Variants in C2CD5 observed in about 807,000 individuals in gnomAD.
C2CD5 encodes C2 domain-containing protein 5.
Under a neutral mutation model 130.3 loss-of-function variants are expected in C2CD5, and 109 were observed. The observed-to-expected ratio is 0.84, with a 90% confidence interval of 0.72 to 0.98. The LOEUF (loss-of-function observed/expected upper bound fraction) is 0.98, where lower values mean the gene tolerates loss of function less well. Among genes scored for constraint, C2CD5 ranks in the 50% least tolerant of loss-of-function variants. The probability of loss-of-function intolerance (pLI) is 0.00; values close to 1 mark genes in which losing one functional copy is unlikely to be tolerated. For missense variants in C2CD5, 996 were observed against 1,261.8 expected, an observed-to-expected ratio of 0.79 and a Z score of 3.19; for synonymous variants, 454 against 429.2, an observed-to-expected ratio of 1.06 and a Z score of -0.71.
intron 16 of C2CD5, 100 bp downstream of exon 16, chr12:22,474,651 C>T (rs1943567074): frequency 1.3e-6 from 1 of 741,584 alleles, no homozygotes; most frequent in Non-Finnish European, 2.0e-6. Context: ...ATATTTATAA[C>T]AGTTGTAATG....
At chr12:22,506,063 CA>C (rs948941465) in intron 10 of C2CD5, among the ~76,000 whole-genome samples, 1 of 150,730 alleles carries the variant, frequency 6.6e-6, no homozygotes, top group African/African-American at 2.4e-5. Context: ...TCAAGTTACA[CA>C]ATGAGCTCTA....
At chr12:22,504,163 C>T (rs971371382) in intron 10 of C2CD5, among the ~76,000 whole-genome samples, 13 of 150,746 alleles carry the variant, frequency 8.6e-5, no homozygotes, top group African/African-American at 2.4e-4. Flanking sequence ...AAATGCAGTT[C>T]GTTTTTTTTT....
chr12:22,510,850 G>A (rs1949102649), intron 9 of C2CD5, among the ~76,000 whole-genome samples: 1 of 152,110 alleles, frequency 6.6e-6, no homozygotes, highest in South Asian at 2.1e-4. Flanking sequence ...AACAAATCTG[G>A]CTGAGCACAG....
chr12:22,538,121 C>T (rs1433151903), intron 2 of C2CD5, among the ~76,000 whole-genome samples: 1 of 152,156 alleles, frequency 6.6e-6, no homozygotes, highest in African/African-American at 2.4e-5. Context: ...TAAGATAAAA[C>T]ATATAAACAA....
chr12:22,481,594 A>G (rs1217209499), intron 14 of C2CD5, among the ~76,000 whole-genome samples: 2 of 151,846 alleles, frequency 1.3e-5, no homozygotes, highest in Non-Finnish European at 2.9e-5. Context: ...ATGAACATTA[A>G]GCTGAGACAC....
At chr12:22,475,362 AT>A (rs1332738209) in intron 15 of C2CD5, among the ~76,000 whole-genome samples, 10 of 152,242 alleles carry the variant, frequency 6.6e-5, no homozygotes, top group African/African-American at 2.4e-4. Context: ...ATGTATGAGT[AT>A]GAATACATAT....
intron 4 of C2CD5, among the ~76,000 whole-genome samples, chr12:22,527,111 C>A (rs149182063): frequency 2.0e-5 from 3 of 151,996 alleles, no homozygotes; most frequent in African/African-American, 7.2e-5. Context: ...CTTTTAAGTA[C>A]AAAAATCATT....
At chr12:22,508,245 C>T (rs35533446) in intron 9 of C2CD5, among the ~76,000 whole-genome samples, 11,166 of 151,898 alleles carry the variant, frequency 0.074, 584 homozygotes, top group Non-Finnish European at 0.11. Context: ...TAGAAGTAAT[C>T]TTTAAACAAG....
intron 9 of C2CD5, 70 bp from the exon 10 acceptor site, chr12:22,506,889 G>A: frequency 1.1e-6 from 1 of 872,418 alleles, no homozygotes; most frequent in Admixed American, 1.8e-5. Flanking sequence ...TTATTAAAAA[G>A]CTTGCCATAG....
At chr12:22,524,687 A>C (rs1950577994) in intron 5 of C2CD5, 60 bp from the exon 6 acceptor site, 1 of 1,300,334 alleles carries the variant, frequency 7.7e-7, no homozygotes, top group African/African-American at 1.5e-5. Flanking sequence ...TTTTTAAAAA[A>C]TGTACATCTC....
rs143454247 is a variant in C2CD5, at chr12:22,481,367, T to C, written c.1737+1190A>G. Among the ~76,000 whole-genome samples, 431 of 152,262 alleles carry C rather than the reference T, an allele frequency of 2.8e-3. 3 individuals are homozygous for C. Among genetic ancestry groups the C allele is most frequent in the African/African-American group, 0.01 (426 of 41,556 alleles). The stretch of plus-strand genomic sequence containing the variant: ...ACTCTCAAAAAGATGGCAAGAGAAT[T>C]CAAATTTGAAAACTGCCAATAACAC... On this transcript the variant is annotated intron_variant, in intron 14 of 26. Transcript: ENST00000446597.
In C2CD5 at chr12:22,449,775, G is replaced by A. The variant is rs763755231; in HGVS notation, c.3141C>T (p.Gly1047=). 47 of 1,590,652 alleles carry A rather than the reference G, an allele frequency of 3.0e-5. No individual in the cohort carries two copies. The highest frequency in any genetic ancestry group is 1.7e-4 in the Middle Eastern group (1 of 5,996). ...TTNCQSSCTE[G]EVTT is the part of the protein sequence containing the mutation. ...CTAATTTTCCTCAGGTTGTAACTTCGCCTTCAGTACATGATGACTGGCAGT... is the reference window on the plus strand; with the variant it reads ...CTAATTTTCCTCAGGTTGTAACTTCACCTTCAGTACATGATGACTGGCAGT... Residue 1047 remains glycine (G), a synonymous_variant, in exon 27 of 27, where the codon GGC becomes GGT. Coordinates refer to ENST00000446597, the MANE Select transcript of C2CD5 (RefSeq NM_001286176.2).
chr12:22,484,301 T>G (rs1163280928), intron 13 of C2CD5: 1 of 155,562 alleles, frequency 6.4e-6, no homozygotes, highest in African/African-American at 2.4e-5. Context: ...AAGGAACTCT[T>G]ACCAGCTAAT....
At chr12:22,524,413 A>T in intron 6 of C2CD5, 59 bp downstream of exon 6, 1 of 1,483,154 alleles carries the variant, frequency 6.7e-7, no homozygotes, top group Non-Finnish European at 9.3e-7. Context: ...GTCAAAGGAA[A>T]GCAAAAAATT....
rs1359932936 is a variant in C2CD5 at position 22,478,447 on chromosome 12, G to T, written c.1768C>A (p.Pro590Thr). ...GCAATCTGAATACCACCAGGAGTTG[G>T]TAAAGCTGCTAAATACACACCTGTG... ...SATGVYLAAL[P>T]TPGGIQIAGK... is the part of the protein sequence containing the mutation. Residue 590 changes from proline to threonine, a missense_variant, in exon 15 of 27, where the codon CCA (proline) becomes ACA (threonine). This residue lies in a region of C2CD5 where 590 missense variants were observed against 631.4 expected (regional missense o/e 0.93). Coordinates refer to ENST00000446597, the MANE Select transcript of C2CD5 (RefSeq NM_001286176.2). 1 of 1,613,736 alleles carries T rather than the reference G, an allele frequency of 6.2e-7. No individual in the cohort carries two copies. The highest frequency in any genetic ancestry group is 8.5e-7 in the Non-Finnish European group (1 of 1,179,782).
chr12:22,462,348 G>C (rs1328398934), intron 22 of C2CD5, among the ~76,000 whole-genome samples: 1 of 152,118 alleles, frequency 6.6e-6, no homozygotes, highest in Admixed American at 6.5e-5. Flanking sequence ...CCACACAACA[G>C]TCTGCTTCTA....
intron 14 of C2CD5, among the ~76,000 whole-genome samples, chr12:22,481,649 CTTTTTT>C (rs34990025): frequency 2.6e-5 from 3 of 116,432 alleles, no homozygotes; most frequent in African/African-American, 9.8e-5. Context: ...AGAAACACAC[CTTTTTT>C]TTTTTTTTTT....
intron 2 of C2CD5, among the ~76,000 whole-genome samples, chr12:22,541,005 A>G (rs1235365391): frequency 6.6e-6 from 1 of 152,228 alleles, no homozygotes; most frequent in East Asian, 1.9e-4. Context: ...CCAGCTATCT[A>G]AAGGGAGTCC....
intron 13 of C2CD5, among the ~76,000 whole-genome samples, chr12:22,483,915 C>T (rs752102534): frequency 6.6e-6 from 1 of 152,062 alleles, no homozygotes; most frequent in African/African-American, 2.4e-5. Context: ...ATGAAGTAGA[C>T]AGGTATAAGT....
Sources: allele counts gnomAD v4.1 joint callset (sites outside exome capture counted in the v4.1 genomes callset), GRCh38; gene constraint gnomAD v4.1.1; regional missense constraint gnomAD v4.1.1; transcripts MANE v1.5; gene names NCBI Gene and HGNC (gene_info 2026-07-23, HGNC 2026-07-21).